DOCK8: variants seen among roughly 807,000 people sequenced by gnomAD.
The protein encoded by DOCK8 is dedicator of cytokinesis 8, also known as dedicator of cytokinesis protein 8.
DOCK8 carries 141 observed loss-of-function variants against 245.6 expected under a neutral mutation model. That is an observed-to-expected ratio of 0.57 (90% CI 0.50 to 0.66). DOCK8 has a LOEUF of 0.66. Ranked by LOEUF, DOCK8 falls within the 30% of genes least tolerant of loss-of-function variation. The pLI, the probability that DOCK8 is intolerant of heterozygous loss-of-function variation, is 0.00. For missense variants in DOCK8, 2,965 were observed against 2,603.4 expected (o/e 1.14, Z -3.02); for synonymous variants, 1,168 against 970.2 (o/e 1.20, Z -3.79).
intron 28 of DOCK8, among the ~76,000 whole-genome samples, chr9:412,526 CA>C (rs2055789112): frequency 1.3e-5 from 2 of 151,726 alleles, no homozygotes; most frequent in African/African-American, 4.8e-5. Flanking sequence ...AAGGAATCCA[CA>C]AAAAACTCCA....
chr9:226,755 AT>A (rs2046997791), intron 1 of DOCK8, among the ~76,000 whole-genome samples: 2 of 152,330 alleles, frequency 1.3e-5, no homozygotes, highest in South Asian at 4.1e-4. Flanking sequence ...GGAGTCTAAG[AT>A]GCATGTTAGA....
chr9:403,845 A>T (rs2055225861), intron 26 of DOCK8, among the ~76,000 whole-genome samples: 1 of 144,638 alleles, frequency 6.9e-6, no homozygotes. Flanking sequence ...AGTTCAACAG[A>T]GCAAGACTCT....
intron 2 of DOCK8, among the ~76,000 whole-genome samples, chr9:272,677 C>G (rs1281541686): frequency 6.6e-6 from 1 of 152,278 alleles, no homozygotes; most frequent in African/African-American, 2.4e-5. Context: ...AGCCACTGCA[C>G]CTGGCCCTAA....
intron 28 of DOCK8, among the ~76,000 whole-genome samples, chr9:409,155 C>T (rs2055588926): frequency 6.6e-6 from 1 of 151,952 alleles, no homozygotes; most frequent in African/African-American, 2.4e-5. Flanking sequence ...TTGCCAACAC[C>T]TGTACATCCA....
In DOCK8 at chr9:463,745, T is replaced by A. The variant is rs977678345; in HGVS notation, c.6239+58T>A. 2.5e-6 allele frequency: 4 copies of A among 1,599,610 alleles called. No homozygotes were observed. In the African/African-American group the frequency reaches 5.4e-5, roughly 21 times the overall value. On this transcript the variant is annotated intron_variant, in intron 47 of 47. Coordinates refer to ENST00000432829, the MANE Select transcript of DOCK8 (RefSeq NM_203447.4). ...GGGATAAAGAGCAGCGCATGGGGCC[T>A]AGCACCTTGGGGCATGCTCTGCTGC...
At chr9:306,474 GT>G (rs2049834424) in intron 5 of DOCK8, among the ~76,000 whole-genome samples, 1 of 152,172 alleles carries the variant, frequency 6.6e-6, no homozygotes, top group African/African-American at 2.4e-5. Flanking sequence ...GCCACGGTAG[GT>G]ATTTCAGCAG....
chr9:375,107 T>C (rs1472242756), intron 18 of DOCK8, among the ~76,000 whole-genome samples: 1 of 152,252 alleles, frequency 6.6e-6, no homozygotes, highest in Non-Finnish European at 1.5e-5. Flanking sequence ...TGGTAATTAA[T>C]TTTTTAAAGT....
chr9:225,213 G>A (rs2046965560), intron 1 of DOCK8, among the ~76,000 whole-genome samples: 1 of 152,174 alleles, frequency 6.6e-6, no homozygotes, highest in East Asian at 1.9e-4. Context: ...AGAGCATGGG[G>A]AACAGTGTTT....
At chr9:292,093 C>T (rs1171773750) in intron 4 of DOCK8, among the ~76,000 whole-genome samples, 2 of 65,858 alleles carry the variant, frequency 3.0e-5, no homozygotes, top group African/African-American at 9.2e-5. Context: ...AAAAAAAAGC[C>T]AGGCACGGTG....
intron 1 of DOCK8, among the ~76,000 whole-genome samples, chr9:267,381 T>C (rs1053952392): frequency 1.3e-5 from 2 of 152,088 alleles, no homozygotes; most frequent in Non-Finnish European, 2.9e-5. Context: ...AATTTTTGTA[T>C]TTTTTGTAGA....
At chr9:282,764 T>C (rs1218142346) in intron 2 of DOCK8, among the ~76,000 whole-genome samples, 1 of 152,168 alleles carries the variant, frequency 6.6e-6, no homozygotes, top group Non-Finnish European at 1.5e-5. Flanking sequence ...TGAAATTTTT[T>C]CTCACTGATG....
intron 18 of DOCK8, among the ~76,000 whole-genome samples, chr9:373,668 A>AC (rs2053395463): frequency 6.6e-6 from 1 of 152,172 alleles, no homozygotes; most frequent in South Asian, 2.1e-4. Context: ...TTCGCCATCT[A>AC]CCGTCTCACT....
At chr9:429,922 GA>G (rs1039160853) in intron 36 of DOCK8, 68 bp downstream of exon 36, 81 of 1,573,442 alleles carry the variant, frequency 5.1e-5, no homozygotes, top group Non-Finnish European at 6.1e-5. Context: ...CATCAGCTGC[GA>G]AAAAAAATAA....
intron 29 of DOCK8, among the ~76,000 whole-genome samples, chr9:417,139 A>G (rs2056058401): frequency 6.6e-6 from 1 of 152,182 alleles, no homozygotes; most frequent in South Asian, 2.1e-4. Context: ...CACTAAAAAT[A>G]CAAAAGTTAG....
intron 1 of DOCK8, among the ~76,000 whole-genome samples, chr9:217,745 A>G (rs188655408): frequency 6.6e-6 from 1 of 152,326 alleles, no homozygotes; most frequent in African/African-American, 2.4e-5. Flanking sequence ...TATACAGTTA[A>G]TGGATTTTAT....
chr9:405,096 A>G (rs2055351284), intron 27 of DOCK8, 23 bp downstream of exon 27: 3 of 1,601,172 alleles, frequency 1.9e-6, no homozygotes, highest in Non-Finnish European at 2.6e-6. Context: ...TTATTTAACT[A>G]AAAGAATTAT....
At chr9:423,898 T>C (rs758600583) in intron 33 of DOCK8, among the ~76,000 whole-genome samples, 6 of 152,142 alleles carry the variant, frequency 3.9e-5, no homozygotes, top group Non-Finnish European at 8.8e-5. Context: ...AACTGGTGTT[T>C]TGGAAAACCT....
rs764976726 is a variant in DOCK8 at position 377,002 on chromosome 9, C to T, written c.2231C>T (p.Thr744Ile). 1.2e-6 allele frequency: 2 copies of T among 1,614,058 alleles called. No homozygotes were observed. The highest frequency in any genetic ancestry group is 2.2e-5 in the South Asian group (2 of 91,082). ...TQDNHLEKFF[T>I]LCHSLESQVT... Reference sequence around the variant, plus strand: ...GACAACCACCTGGAGAAGTTCTTCACCCTCTGCCACTCCCTGGAGAGCCAG... The same window carrying T: ...GACAACCACCTGGAGAAGTTCTTCATCCTCTGCCACTCCCTGGAGAGCCAG... The change falls in exon 20 of 48, where the codon ACC becomes ATC. Residue 744 changes from threonine (T) to isoleucine (I), a missense_variant. This residue lies in a region of DOCK8 where 2,825 missense variants were observed against 2,453.5 expected (regional missense o/e 1.15). Coordinates refer to ENST00000432829, the MANE Select transcript of DOCK8 (RefSeq NM_203447.4).
chr9:401,097 T>TCACCACCTGTCCCATCACCAC (rs2055074242), intron 26 of DOCK8, among the ~76,000 whole-genome samples: 1 of 144,612 alleles, frequency 6.9e-6, no homozygotes, highest in African/African-American at 2.7e-5. Context: ...TCCACCACCA[T>TCACCACCTGTCCCATCACCAC]CACCACCTCT....
Sources: allele counts gnomAD v4.1 joint callset (sites outside exome capture counted in the v4.1 genomes callset), GRCh38; gene constraint gnomAD v4.1.1; regional missense constraint gnomAD v4.1.1; transcripts MANE v1.5; gene names NCBI Gene and HGNC (gene_info 2026-07-23, HGNC 2026-07-21).